Variants in FAM149B1 observed in about 807,000 individuals in gnomAD.
FAM149B1 encodes the protein primary cilium assembly protein FAM149B1.
In FAM149B1, 56 loss-of-function variants were observed where a neutral mutation model predicts 75.3. That is an observed-to-expected ratio of 0.74 (90% CI 0.60 to 0.93). The LOEUF is 0.93. Ranked by LOEUF, FAM149B1 falls within the 40% of genes least tolerant of loss-of-function variation. The pLI, the probability that FAM149B1 is intolerant of heterozygous loss-of-function variation, is 0.00. For missense variants in FAM149B1, 639 were observed against 708.4 expected, an observed-to-expected ratio of 0.90 and a Z score of 1.11; for synonymous variants, 259 against 256.1, an observed-to-expected ratio of 1.01 and a Z score of -0.11.
chr10:73,235,095 C>A, intron 11 of FAM149B1, 98 bp from the exon 12 acceptor site: 1 of 1,448,666 alleles, frequency 6.9e-7, no homozygotes, highest in Non-Finnish European at 9.4e-7. Flanking sequence ...AGCTGTTTGG[C>A]CTGCACTTAC....
Position 73,168,302 on chromosome 10 carries a change from C to T in FAM149B1, c.-38C>T. On this transcript the variant is annotated 5_prime_UTR_variant, in exon 1 of 14. Transcript: ENST00000242505. Reference sequence around the variant, plus strand: ...CCCACCCTGGCGTGCCTGCCCCGGCCGCGGCTGAGGAGGAGGAGGAGGAGG... The same window carrying T: ...CCCACCCTGGCGTGCCTGCCCCGGCTGCGGCTGAGGAGGAGGAGGAGGAGG... 6.5e-7 allele frequency: 1 copy of T among 1,543,978 alleles called. No homozygotes were observed. The highest frequency in any genetic ancestry group is 8.7e-7 in the Non-Finnish European group (1 of 1,144,916).
chr10:73,229,880 G>A (rs890567516), intron 8 of FAM149B1, among the ~76,000 whole-genome samples: 6 of 152,156 alleles, frequency 3.9e-5, no homozygotes, highest in Non-Finnish European at 7.3e-5. Flanking sequence ...GGGGGGCAAT[G>A]CCAGTCCAAG....
In FAM149B1 at chr10:73,208,776, C is replaced by G. The variant is rs1197590755; in HGVS notation, c.700C>G (p.His234Asp). The G allele has an allele frequency of 4.6e-6, 7 of 1,512,338 alleles. No homozygotes were observed. Among genetic ancestry groups the G allele is most frequent in the Non-Finnish European group, 6.2e-6 (7 of 1,122,804 alleles). The allele number at this position is 1,512,338 out of a possible 1,614,324, so 93.7% of individuals were successfully genotyped here. The change falls in exon 6 of 14, where the codon CAC (histidine) becomes GAC (aspartate). Residue 234 changes from histidine to aspartate, a missense_variant. His to Asp is a moderately conservative substitution (Grantham distance 81). Transcript: ENST00000242505. ...AATTGAGGAATACCTAGCATTCGAT[C>G]ACATAGATATGTGAGTATTATGCCT... ...GIIEEYLAFD[H>D]IDIEEGFHGK... is the part of the protein sequence containing the mutation.
intron 1 of FAM149B1, among the ~76,000 whole-genome samples, chr10:73,173,683 G>A (rs1396691121): frequency 1.3e-5 from 2 of 152,166 alleles, no homozygotes; most frequent in African/African-American, 4.8e-5. Flanking sequence ...TTGACTGGAA[G>A]CCTTACCAAT....
At chr10:73,239,461 C>A in intron 13 of FAM149B1, 77 bp downstream of exon 13, 1 of 1,007,538 alleles carries the variant, frequency 9.9e-7, no homozygotes, top group Non-Finnish European at 1.5e-6. Flanking sequence ...TTTCCTACAC[C>A]TATTTCCCCT....
intron 12 of FAM149B1, among the ~76,000 whole-genome samples, chr10:73,237,838 C>G (rs560532039): frequency 6.6e-6 from 1 of 152,142 alleles, no homozygotes; most frequent in African/African-American, 2.4e-5. Context: ...ATCCTCCCAC[C>G]GCAGCCTCCC....
chr10:73,210,551 C>T lies in FAM149B1; in HGVS notation c.898+113C>T. ...GCAAAAGGTGCGTATGGGCCAGGCA[C>T]AGTGGCTTATGCCTATAATCCAAAC... On this transcript the variant is annotated intron_variant, in intron 7 of 13. Transcript: ENST00000242505. 1.3e-5 allele frequency: 9 copies of T among 704,732 alleles called. No individual in the cohort carries two copies. In the South Asian group the frequency reaches 1.8e-4, roughly 14 times the overall value. The allele number at this position is 704,732 out of a possible 1,614,324, so 43.7% of individuals were successfully genotyped here.
At chr10:73,214,237 A>C (rs74466711) in intron 7 of FAM149B1, among the ~76,000 whole-genome samples, 1 of 152,184 alleles carries the variant, frequency 6.6e-6, no homozygotes, top group Non-Finnish European at 1.5e-5. Context: ...GGTTTTCCAG[A>C]TATAAGATCA....
At chr10:73,236,740 T>A (rs2043832322) in intron 12 of FAM149B1, among the ~76,000 whole-genome samples, 2 of 150,460 alleles carry the variant, frequency 1.3e-5, no homozygotes, top group Non-Finnish European at 3.0e-5. Context: ...TTTTTTTTTT[T>A]AAGACAGGGT....
At chr10:73,184,496 C>T (rs1378847207) in intron 3 of FAM149B1, among the ~76,000 whole-genome samples, 1 of 152,000 alleles carries the variant, frequency 6.6e-6, no homozygotes, top group African/African-American at 2.4e-5. Flanking sequence ...ACATCCCACC[C>T]AGTGACAGCA....
chr10:73,180,904 C>T (rs76715204), intron 3 of FAM149B1, among the ~76,000 whole-genome samples: 1 of 151,840 alleles, frequency 6.6e-6, no homozygotes, highest in Non-Finnish European at 1.5e-5. Flanking sequence ...CCAATCCTCA[C>T]CCCCCCACTA....
rs147845415 is a variant in FAM149B1 at position 73,177,742 on chromosome 10, CAT to C, written c.153-103_153-102del. On this transcript the variant is annotated intron_variant, in intron 2 of 13. Coordinates refer to ENST00000242505, the MANE Select transcript of FAM149B1 (RefSeq NM_173348.2). ...TTGCCTATGTGGATATATTTGTACA[CAT>C]GTTAATCACCTAGTAAGTTGCTGAG... The C allele has an allele frequency of 1.7e-3, 1,660 of 984,328 alleles. 24 individuals are homozygous for C. In the African/African-American group the frequency reaches 0.025, roughly 15 times the overall value. The allele number at this position is 984,328 out of a possible 1,614,324, so 61.0% of individuals were successfully genotyped here.
chr10:73,222,244 T>C (rs2133385906), intron 7 of FAM149B1, among the ~76,000 whole-genome samples: 1 of 152,330 alleles, frequency 6.6e-6, no homozygotes, highest in African/African-American at 2.4e-5. Context: ...ATTCTGGTCT[T>C]TCTTTTATGA....
chr10:73,228,287 T>A, intron 8 of FAM149B1, 103 bp downstream of exon 8: 1 of 912,796 alleles, frequency 1.1e-6, no homozygotes. Context: ...ACTCAATATG[T>A]TTTAGTACAG....
chr10:73,230,600 T>C (rs1197795645), intron 9 of FAM149B1, 75 bp downstream of exon 9: 4 of 831,196 alleles, frequency 4.8e-6, no homozygotes, highest in Non-Finnish European at 6.0e-6. Flanking sequence ...TTTATCAGTA[T>C]GCATGTATTG....
intron 8 of FAM149B1, 100 bp from the exon 9 acceptor site, chr10:73,230,322 T>TA: frequency 1.4e-6 from 1 of 711,070 alleles, no homozygotes. Context: ...GGAAAAAGTA[T>TA]AAATAACCAA....
intron 7 of FAM149B1, among the ~76,000 whole-genome samples, chr10:73,215,447 C>G (rs1442717359): frequency 1.3e-5 from 2 of 152,022 alleles, no homozygotes; most frequent in African/African-American, 4.8e-5. Flanking sequence ...GTCTCAAACT[C>G]CTGGCCTCAA....
intron 13 of FAM149B1, among the ~76,000 whole-genome samples, chr10:73,240,483 C>A (rs192299613): frequency 1.3e-5 from 2 of 152,104 alleles, no homozygotes; most frequent in Non-Finnish European, 2.9e-5. Context: ...GAGGCCAAGG[C>A]GGGCGGATCA....
intron 7 of FAM149B1, among the ~76,000 whole-genome samples, chr10:73,216,816 G>C (rs1265821666): frequency 1.3e-5 from 2 of 152,178 alleles, no homozygotes. Flanking sequence ...AGGGAGGGTA[G>C]AGCCCCTCAA....
Sources: gnomAD v4.1 joint callset for allele counts (sites outside exome capture counted in the v4.1 genomes callset) on GRCh38, gnomAD v4.1.1 for gene constraint, MANE v1.5 for transcripts, NCBI Gene and HGNC (gene_info 2026-07-23, HGNC 2026-07-21) for gene names.